IL5RA: variants seen among roughly 807,000 people sequenced by gnomAD.
IL5RA encodes interleukin 5 receptor subunit alpha.
In IL5RA, 49 loss-of-function variants were observed where a neutral mutation model predicts 50.0. That is an observed-to-expected ratio of 0.98 (90% confidence interval 0.78 to 1.24). IL5RA has a LOEUF of 1.24. IL5RA is among the 50% of genes most tolerant of loss of function. IL5RA has a pLI of 0.00. For synonymous variants in IL5RA, 202 were observed against 174.0 expected (o/e 1.16, Z -1.26); for missense variants, 600 against 500.4 (o/e 1.20, Z -1.90).
chr3:3,096,289 A>G (rs4054763), intron 7 of IL5RA, among the ~76,000 whole-genome samples: 2 of 141,338 alleles, frequency 1.4e-5, no homozygotes, highest in Admixed American at 7.1e-5. Flanking sequence ...AAAAAAAAAA[A>G]AAGAAGAAGA....
chr3:3,081,595 C>T (rs1452991909), intron 9 of IL5RA, among the ~76,000 whole-genome samples: 3 of 152,162 alleles, frequency 2.0e-5, no homozygotes. Flanking sequence ...TATCCCCTAG[C>T]CTGATATGGC....
At chr3:3,101,480 A>C (rs6808454) in intron 5 of IL5RA, among the ~76,000 whole-genome samples, 111,344 of 152,158 alleles carry the variant, frequency 0.73, 41,103 homozygotes, top group South Asian at 0.85. Flanking sequence ...ATGCAGAGAC[A>C]GTGGATATTT....
intron 9 of IL5RA, among the ~76,000 whole-genome samples, chr3:3,086,483 G>C (rs1356489479): frequency 6.6e-6 from 1 of 152,042 alleles, no homozygotes; most frequent in Admixed American, 6.6e-5. Flanking sequence ...CTTAAGATAA[G>C]ACAGAGAAGC....
intron 2 of IL5RA, among the ~76,000 whole-genome samples, chr3:3,108,039 C>T (rs901601690): frequency 5.3e-5 from 8 of 152,126 alleles, no homozygotes; most frequent in Non-Finnish European, 1.2e-4. Flanking sequence ...ACACCTAATT[C>T]CAGACTCAAC....
intron 7 of IL5RA, among the ~76,000 whole-genome samples, chr3:3,096,289 AAAGAAGAAG>A (rs5846242): frequency 7.1e-6 from 1 of 141,340 alleles, no homozygotes; most frequent in Non-Finnish European, 1.5e-5. Flanking sequence ...AAAAAAAAAA[AAAGAAGAAG>A]AAGAAGAAGA....
rs1702205327 is a variant in IL5RA at position 3,068,728 on chromosome 3, C to G, written c.*1497G>C. On this transcript the variant is annotated 3_prime_UTR_variant, in exon 12 of 12. Transcript: ENST00000446632. ...AGCCACACCCCTAAGCAGGCCTCAGCTTTCCCTGACACTCCTCTGCACATT... is the reference window on the plus strand; with the variant it reads ...AGCCACACCCCTAAGCAGGCCTCAGGTTTCCCTGACACTCCTCTGCACATT... 1 of 152,186 alleles carries G rather than the reference C, an allele frequency of 6.6e-6. No homozygotes were observed. Among genetic ancestry groups the G allele is most frequent in the African/African-American group, 2.4e-5 (1 of 41,426 alleles). The allele number at this position is 152,186 out of a possible 1,614,324, so 9.4% of individuals were successfully genotyped here. A position where few individuals can be genotyped will look rare whatever the true frequency, so the allele number is the denominator to read the frequency against.
chr3:3,095,236 A>AT, intron 8 of IL5RA, 63 bp downstream of exon 8: 3 of 1,356,172 alleles, frequency 2.2e-6, no homozygotes, highest in Non-Finnish European at 3.1e-6. Flanking sequence ...ACTGAAGATA[A>AT]TTTTTTAAAT....
intron 3 of IL5RA, among the ~76,000 whole-genome samples, chr3:3,103,861 C>T (rs1395293006): frequency 6.6e-6 from 1 of 152,158 alleles, no homozygotes; most frequent in African/African-American, 2.4e-5. Flanking sequence ...ATTGTACACA[C>T]AACTACAAAA....
chr3:3,089,096 G>A (rs1702987609), intron 9 of IL5RA, among the ~76,000 whole-genome samples: 1 of 152,100 alleles, frequency 6.6e-6, no homozygotes, highest in South Asian at 2.1e-4. Context: ...GGGAGGAGGG[G>A]AGGGAGGGGA....
intron 5 of IL5RA, among the ~76,000 whole-genome samples, chr3:3,099,300 C>G (rs775878064): frequency 2.6e-5 from 4 of 152,108 alleles, no homozygotes; most frequent in Non-Finnish European, 5.9e-5. Context: ...GAGTTTGAGA[C>G]CAGCCCAGGC....
At position 3,069,857 on chromosome 3, in the gene IL5RA, C is replaced by T. The variant is rs17880028; in HGVS notation, c.*368G>A. 110 of 175,354 alleles carry T rather than the reference C, an allele frequency of 6.3e-4. 1 individual carries two copies. Among genetic ancestry groups the T allele is most frequent in the African/African-American group, 2.5e-3 (104 of 42,402 alleles). 10.9% of individuals were successfully genotyped at this position (175,354 alleles called of 1,614,324 possible). A position where few individuals can be genotyped will look rare whatever the true frequency, so the allele number is the denominator to read the frequency against. ...TTGGCAGCTTAAACAGCCAAACGGG[C>T]ACAGCCAGAAGTAAATACAGCTGGA... On this transcript the variant is annotated 3_prime_UTR_variant, in exon 12 of 12. Coordinates refer to ENST00000446632, the MANE Select transcript of IL5RA (RefSeq NM_175726.4).
At chr3:3,081,016 T>G (rs901648923) in intron 9 of IL5RA, among the ~76,000 whole-genome samples, 13 of 152,144 alleles carry the variant, frequency 8.5e-5, no homozygotes, top group Non-Finnish European at 1.5e-5. Flanking sequence ...AGTATTTTTT[T>G]TCAAGTTTTT....
At chr3:3,100,477 A>G (rs986801110) in intron 5 of IL5RA, among the ~76,000 whole-genome samples, 1 of 152,222 alleles carries the variant, frequency 6.6e-6, no homozygotes, top group African/African-American at 2.4e-5. Flanking sequence ...CCAACCTAAT[A>G]TATATTTGTC....
rs1002168782 is a variant in IL5RA, at chr3:3,101,694, G to A, written c.365C>T (p.Pro122Leu). Residue 122 changes from proline (P) to leucine (L), a missense_variant and splice_region_variant, in exon 5 of 12, where the codon CCA becomes CTA. Coordinates refer to ENST00000446632, the MANE Select transcript of IL5RA (RefSeq NM_175726.4). ...SWASAELHAPPGSPGTSIVNL... is the reference protein window; with the variant it reads ...SWASAELHAPLGSPGTSIVNL... ...GGACTTTTGGAGGCCTGCTTTACCT[G>A]GTGGGGCATGAAGTTCAGCAGAAGC... 3 of 1,613,590 alleles carry A rather than the reference G, an allele frequency of 1.9e-6. No homozygotes were observed. In the African/African-American group the frequency reaches 4.0e-5, roughly 22 times the overall value.
At chr3:3,101,953 T>C in intron 4 of IL5RA, 123 bp from the exon 5 acceptor site, 1 of 925,102 alleles carries the variant, frequency 1.1e-6, no homozygotes, top group Non-Finnish European at 1.6e-6. Context: ...GAAATAGTTT[T>C]GCTAGAAAAA....
chr3:3,078,944 C>A (rs1702575910), intron 9 of IL5RA, among the ~76,000 whole-genome samples: 1 of 152,078 alleles, frequency 6.6e-6, no homozygotes, highest in South Asian at 2.1e-4. Flanking sequence ...TCAAAAGACG[C>A]TTGGTTTCTT....
chr3:3,076,639 CAAAA>C lies in IL5RA; in HGVS notation c.995-16_995-13del. 1 of 1,558,180 alleles carries C rather than the reference CAAAA, an allele frequency of 6.4e-7. No individual in the cohort carries two copies. The highest frequency in any genetic ancestry group is 1.7e-4 in the Middle Eastern group (1 of 5,852). On this transcript the variant is annotated splice_polypyrimidine_tract_variant and intron_variant, in intron 9 of 11. Transcript: ENST00000446632. ...GTGTTCATCATTTCCTGGTGGAAAACAAAAAAGAAACAAAAAAATATAAAGTCCA... is the reference window on the plus strand; with the variant it reads ...GTGTTCATCATTTCCTGGTGGAAAACAAGAAACAAAAAAATATAAAGTCCA...
intron 9 of IL5RA, among the ~76,000 whole-genome samples, chr3:3,081,766 G>GA (rs1330202979): frequency 6.6e-6 from 1 of 152,096 alleles, no homozygotes; most frequent in African/African-American, 2.4e-5. Flanking sequence ...TTCATTAAAT[G>GA]AAAAAAAGTT....
intron 6 of IL5RA, 40 bp from the exon 7 acceptor site, chr3:3,098,097 A>C: frequency 6.2e-7 from 1 of 1,613,940 alleles, no homozygotes; most frequent in South Asian, 1.1e-5. Context: ...GGTTGCAGGA[A>C]ACAACCATTT....
Sources: gnomAD v4.1 joint callset for allele counts (sites outside exome capture counted in the v4.1 genomes callset) on GRCh38, gnomAD v4.1.1 for gene constraint, MANE v1.5 for transcripts, NCBI Gene and HGNC (gene_info 2026-07-23, HGNC 2026-07-21) for gene names.